The following PSMC2 variants were observed in gnomAD, a reference collection of about 807,000 sequenced individuals.
The protein encoded by PSMC2 is 26S proteasome regulatory subunit 7.
A neutral mutation model predicts 53.3 loss-of-function variants in PSMC2; 7 were observed. The observed-to-expected ratio is 0.13, with a 90% CI of 0.07 to 0.25. The LOEUF is 0.25. PSMC2 is among the 10% of genes least tolerant of loss of function. The pLI is 1.00. For synonymous variants in PSMC2, 169 were observed against 183.9 expected, an observed-to-expected ratio of 0.92 and a Z score of 0.66; for missense variants, 241 against 544.0, an observed-to-expected ratio of 0.44 and a Z score of 5.54.
rs534357742 is a variant in PSMC2 at position 103,360,605 on chromosome 7, A to G, written c.291-1352A>G. Among the ~76,000 whole-genome samples, 3 of 151,978 alleles carry G rather than the reference A, an allele frequency of 2.0e-5. No homozygotes were observed. In the South Asian group the frequency reaches 6.2e-4, roughly 32 times the overall value. ...TACTTTTAGCTCTACCTATGTGCGC[A>G]CTCCACAGGCTATTTTTGTATTTCT... On this transcript the variant is annotated intron_variant, in intron 4 of 11. Transcript: ENST00000292644.
intron 9 of PSMC2, among the ~76,000 whole-genome samples, 171 bp downstream of exon 9, chr7:103,366,334 A>G (rs892996805): frequency 2.6e-5 from 4 of 152,258 alleles, no homozygotes; most frequent in Non-Finnish European, 4.4e-5. Flanking sequence ...TATAAAGGCA[A>G]GAAGACACAT....
chr7:103,356,785 A>T (rs916063758), intron 4 of PSMC2, among the ~76,000 whole-genome samples: 1 of 152,204 alleles, frequency 6.6e-6, no homozygotes, highest in African/African-American at 2.4e-5. Context: ...GAGATAAAAT[A>T]TACCAATATT....
At position 103,367,503 on chromosome 7, in the gene PSMC2, G is replaced by A. The variant is rs1820776887; in HGVS notation, c.935G>A (p.Arg312Lys). ...AATCAGCTTGATGGTTTTGATCCTA[G>A]AGGCAATATTAAAGTGCTGATGGCC... ...LINQLDGFDP[R>K]GNIKVLMATN... Residue 312 changes from arginine to lysine, a missense_variant, in exon 10 of 12, where the codon AGA becomes AAA. By Grantham distance (26) the Arg-to-Lys change is conservative. Transcript: ENST00000292644. The surrounding 1 kb of genome is among the most constrained non-coding windows in gnomAD (Gnocchi z 6.1). 6.2e-7 allele frequency: 1 copy of A among 1,614,032 alleles called. No homozygotes were observed. The highest frequency in any genetic ancestry group is 8.5e-7 in the Non-Finnish European group (1 of 1,179,978).
At chr7:103,347,896 C>T in intron 1 of PSMC2, 115 bp downstream of exon 1, 1 of 1,168,956 alleles carries the variant, frequency 8.6e-7, no homozygotes, top group South Asian at 1.3e-5. Flanking sequence ...CCTTTTGTGC[C>T]CCTAGTAATT....
intron 5 of PSMC2, 120 bp downstream of exon 5, chr7:103,362,208 A>C (rs894334586): frequency 2.6e-6 from 4 of 1,513,628 alleles, no homozygotes; most frequent in African/African-American, 2.9e-5. Flanking sequence ...AGGATGATCT[A>C]GTAATGTACT....
chr7:103,366,350 A>G (rs1005735353), intron 9 of PSMC2, among the ~76,000 whole-genome samples, 187 bp downstream of exon 9: 1 of 152,196 alleles, frequency 6.6e-6, no homozygotes, highest in Non-Finnish European at 1.5e-5. Context: ...CACATTATAT[A>G]CCATTGTCAT....
Position 103,362,003 on chromosome 7 carries a change from A to C in PSMC2, c.337A>C (p.Ile113Leu). Residue 113 changes from isoleucine (I) to leucine (L), a missense_variant, in exon 5 of 12, where the codon ATC becomes CTC. Physicochemically the swap from Ile to Leu is conservative, Grantham distance 5. Transcript: ENST00000292644. ...TGATTCGGAGGACCCAAAATACATTATCAACGTAAAGCAGTTTGCCAAGTT... is the reference window on the plus strand; with the variant it reads ...TGATTCGGAGGACCCAAAATACATTCTCAACGTAAAGCAGTTTGCCAAGTT... ...NADSEDPKYI[I>L]NVKQFAKFVV... 1 of 1,613,950 alleles carries C rather than the reference A, an allele frequency of 6.2e-7. No individual in the cohort carries two copies. Among genetic ancestry groups the C allele is most frequent in the Non-Finnish European group, 8.5e-7 (1 of 1,179,942 alleles).
rs374024755 is a variant in PSMC2, at chr7:103,362,555, T to G, written c.423-131T>G. ...TCAGATTTCATGCTCTCTTTATTTCTCTTTATATAATTAGGGACTCTGTCT... is the reference window on the plus strand; with the variant it reads ...TCAGATTTCATGCTCTCTTTATTTCGCTTTATATAATTAGGGACTCTGTCT... On this transcript the variant is annotated intron_variant, in intron 5 of 11. Coordinates refer to ENST00000292644, the MANE Select transcript of PSMC2 (RefSeq NM_002803.4). 6.2e-5 allele frequency: 88 copies of G among 1,415,750 alleles called. No individual in the cohort carries two copies. The East Asian group carries it at 1.1e-3, about 17-fold the overall frequency. The allele number at this position is 1,415,750 out of a possible 1,614,324, so 87.7% of individuals were successfully genotyped here. A position where few individuals can be genotyped will look rare whatever the true frequency, so the allele number is the denominator to read the frequency against.
At chr7:103,366,049 GAATT>G (rs1437093481) in intron 8 of PSMC2, 23 bp from the exon 9 acceptor site, 1 of 1,563,282 alleles carries the variant, frequency 6.4e-7, no homozygotes, top group Non-Finnish European at 8.7e-7. Flanking sequence ...AACCAATTTT[GAATT>G]AATAAATCAT....
At position 103,349,779 on chromosome 7, in the gene PSMC2, C is replaced by A. The variant is rs17136740; in HGVS notation, c.70+1998C>A. 3.8e-3 allele frequency among the ~76,000 whole-genome samples: 573 copies of A among 152,210 alleles called. 4 individuals are homozygous for A. The highest frequency in any genetic ancestry group is 0.014 in the African/African-American group (564 of 41,508). The stretch of plus-strand genomic sequence containing the variant: ...TAAGTTACTTTCAATTTAAGCTTTC[C>A]GATCTCAACTTGGTCCTAATTGCAG... On this transcript the variant is annotated intron_variant, in intron 1 of 11. Coordinates refer to ENST00000292644, the MANE Select transcript of PSMC2 (RefSeq NM_002803.4).
chr7:103,352,098 C>T (rs1281432144), intron 1 of PSMC2, among the ~76,000 whole-genome samples: 1 of 151,520 alleles, frequency 6.6e-6, no homozygotes, highest in African/African-American at 2.4e-5. Flanking sequence ...ACTAGAGCCC[C>T]AAACCTCCAT....
At position 103,368,305 on chromosome 7, in the gene PSMC2, C is replaced by T. The variant is rs1820829601; in HGVS notation, c.*251C>T. On this transcript the variant is annotated 3_prime_UTR_variant, in exon 12 of 12. Coordinates refer to ENST00000292644, the MANE Select transcript of PSMC2 (RefSeq NM_002803.4). The stretch of plus-strand genomic sequence containing the variant: ...TCATACAAAGCGCTTGCTTAGATGG[C>T]TTCTATCCTAGGCATATGCTGGCCG... 1 of 359,474 alleles carries T rather than the reference C, an allele frequency of 2.8e-6. No homozygotes were observed. The highest frequency in any genetic ancestry group is 2.1e-5 in the African/African-American group (1 of 47,406). The allele number at this position is 359,474 out of a possible 1,614,324, so 22.3% of individuals were successfully genotyped here.
At position 103,364,185 on chromosome 7, in the gene PSMC2, G is replaced by A. The variant is rs1158172908; in HGVS notation, c.634G>A (p.Val212Met). The A allele has an allele frequency of 2.5e-6, 4 of 1,614,176 alleles. No individual in the cohort carries two copies. Among genetic ancestry groups the A allele is most frequent in the African/African-American group, 2.7e-5 (2 of 75,032 alleles). Reference protein sequence around the residue: ...VNLGIEPPKGVLLFGPPGTGK... With the variant: ...VNLGIEPPKGMLLFGPPGTGK... ...CCTTGGCATTGAGCCTCCCAAGGGC[G>A]TGCTGCTCTTTGGTCCACCCGGTAC... The change falls in exon 8 of 12, where the codon GTG becomes ATG. Residue 212 changes from valine (V) to methionine (M), a missense_variant. By Grantham distance (21) the Val-to-Met change is conservative. Around this residue, in one of 6 missense-constraint regions of PSMC2, gnomAD observed 26 missense variants for 104.7 expected, o/e 0.25. Transcript: ENST00000292644.
At chr7:103,348,850 T>A in intron 1 of PSMC2, 4 of 565,968 alleles carry the variant, frequency 7.1e-6, no homozygotes, top group Admixed American at 2.8e-5. Flanking sequence ...AAAATAAACA[T>A]TTAAAAAAAT....
intron 1 of PSMC2, chr7:103,348,599 A>C (rs1327613761): frequency 2.9e-6 from 3 of 1,042,522 alleles, no homozygotes; most frequent in Non-Finnish European, 4.5e-6. Flanking sequence ...TCTGAGACCA[A>C]GATGGGTCAC....
At chr7:103,348,074 C>T (rs1269020931) in intron 1 of PSMC2, among the ~76,000 whole-genome samples, 1 of 152,182 alleles carries the variant, frequency 6.6e-6, no homozygotes, top group African/African-American at 2.4e-5. Context: ...TTCTGCCTGG[C>T]GGTGCTCGGT....
chr7:103,362,154 T>G, intron 5 of PSMC2, 66 bp downstream of exon 5: 1 of 1,599,462 alleles, frequency 6.3e-7, no homozygotes. Context: ...TTCATATCCT[T>G]GGCTTTGTAG....
chr7:103,350,634 G>A (rs913974450), intron 1 of PSMC2, among the ~76,000 whole-genome samples: 10 of 151,892 alleles, frequency 6.6e-5, no homozygotes, highest in African/African-American at 2.4e-4. Flanking sequence ...GACAACAGGC[G>A]TGCACCACCA....
intron 1 of PSMC2, 56 bp downstream of exon 1, chr7:103,347,837 T>G: frequency 6.3e-7 from 1 of 1,593,580 alleles, no homozygotes; most frequent in Non-Finnish European, 8.6e-7. Flanking sequence ...CGGAGCTGCC[T>G]TGGCACTGGA....
Sources: allele counts gnomAD v4.1 joint callset (sites outside exome capture counted in the v4.1 genomes callset), GRCh38; gene constraint gnomAD v4.1.1; regional missense constraint gnomAD v4.1.1; non-coding constraint Gnocchi (gnomAD v3.1); transcripts MANE v1.5; gene names NCBI Gene and HGNC (gene_info 2026-07-23, HGNC 2026-07-21).